Variants in RALGAPA1 observed in about 807,000 individuals in gnomAD.
RALGAPA1 encodes ral GTPase-activating protein subunit alpha-1.
A neutral mutation model predicts 269.6 loss-of-function variants in RALGAPA1; 52 were observed. That is an observed-to-expected ratio of 0.19 (90% CI 0.15 to 0.24). The LOEUF (loss-of-function observed/expected upper bound fraction) is 0.24, where lower values mean the gene tolerates loss of function less well. Ranked by LOEUF, RALGAPA1 falls within the 10% of genes least tolerant of loss-of-function variation. RALGAPA1 has a pLI of 1.00. For synonymous variants in RALGAPA1, 817 were observed against 1,008.3 expected (o/e 0.81, Z 3.60); for missense variants, 1,917 against 3,013.9 (o/e 0.64, Z 8.52).
intron 16 of RALGAPA1, among the ~76,000 whole-genome samples, chr14:35,712,666 C>T (rs2068462385): frequency 6.6e-6 from 1 of 152,088 alleles, no homozygotes; most frequent in African/African-American, 2.4e-5. Context: ...GCCACTGCAC[C>T]CAGCACATTT....
chr14:35,793,171 G>A (rs567331469), intron 1 of RALGAPA1, among the ~76,000 whole-genome samples: 2 of 151,930 alleles, frequency 1.3e-5, no homozygotes, highest in African/African-American at 2.4e-5. Flanking sequence ...TATGACAAGA[G>A]GATGGTGATG....
chr14:35,680,501 C>T (rs1014841235), intron 21 of RALGAPA1, among the ~76,000 whole-genome samples: 6 of 152,182 alleles, frequency 3.9e-5, no homozygotes, highest in African/African-American at 1.4e-4. Context: ...TGAGCCACCA[C>T]ACCAAGCCAA....
At chr14:35,704,787 A>G (rs7142376) in intron 16 of RALGAPA1, among the ~76,000 whole-genome samples, 13 of 152,260 alleles carry the variant, frequency 8.5e-5, no homozygotes, top group African/African-American at 3.1e-4. Flanking sequence ...ACAGTTTAAC[A>G]AGAGAAGAAC....
chr14:35,588,944 G>A (rs1051977908), intron 37 of RALGAPA1, among the ~76,000 whole-genome samples: 3 of 152,114 alleles, frequency 2.0e-5, no homozygotes, highest in African/African-American at 7.2e-5. Flanking sequence ...AGGAAATCCT[G>A]TCATTTATAA....
intron 1 of RALGAPA1, among the ~76,000 whole-genome samples, chr14:35,803,428 C>G (rs2077118107): frequency 6.6e-6 from 1 of 151,832 alleles, no homozygotes; most frequent in South Asian, 2.1e-4. Context: ...ATGGGTTAGG[C>G]AAAGATTTTA....
At chr14:35,691,084 A>G (rs771180471) in intron 17 of RALGAPA1, among the ~76,000 whole-genome samples, 3 of 149,566 alleles carry the variant, frequency 2.0e-5, no homozygotes, top group Non-Finnish European at 4.4e-5. Context: ...AATAATAATA[A>G]TAATAATTAT....
intron 27 of RALGAPA1, among the ~76,000 whole-genome samples, chr14:35,659,950 A>G: frequency 6.6e-6 from 1 of 152,070 alleles, no homozygotes; most frequent in East Asian, 1.9e-4. Context: ...ATAATAAAAT[A>G]TAAAATTTTT....
chr14:35,684,892 A>G, intron 20 of RALGAPA1, 37 bp downstream of exon 20: 1 of 1,581,616 alleles, frequency 6.3e-7, no homozygotes, highest in Non-Finnish European at 8.6e-7. Context: ...AAGACAATCA[A>G]CATAAAACAT....
At chr14:35,724,938 G>A in intron 14 of RALGAPA1, 86 bp downstream of exon 14, 1 of 1,112,336 alleles carries the variant, frequency 9.0e-7, no homozygotes, top group Non-Finnish European at 1.2e-6. Flanking sequence ...AGGGTTCAAT[G>A]AATTTTAAAA....
intron 6 of RALGAPA1, among the ~76,000 whole-genome samples, chr14:35,758,844 TG>T (rs2073431715): frequency 6.6e-6 from 1 of 152,222 alleles, no homozygotes; most frequent in Non-Finnish European, 1.5e-5. Flanking sequence ...CCAGACATAG[TG>T]GCTGACACCT....
Position 35,671,404 on chromosome 14 carries a change from A to C in RALGAPA1, c.5187T>G (p.Ser1729=). The C allele has an allele frequency of 6.2e-7, 1 of 1,609,946 alleles. No individual in the cohort carries two copies. Among genetic ancestry groups the C allele is most frequent in the Non-Finnish European group, 8.5e-7 (1 of 1,178,518 alleles). Residue 1729 remains serine, a synonymous_variant, in exon 26 of 42, where the codon TCT becomes TCG. Coordinates refer to ENST00000680220, the MANE Select transcript of RALGAPA1 (RefSeq NM_001346249.2). ...AATGACTTACATTGAGAAAAGCTGA[A>C]GAAGCCACTCTACCAGCTGCTACAA... ...DFIVAAGRVA[S]SAFLNAPRVE... is the part of the protein sequence containing the mutation.
At chr14:35,721,895 T>G in intron 15 of RALGAPA1, 46 bp from the exon 16 acceptor site, 7 of 1,501,264 alleles carry the variant, frequency 4.7e-6, no homozygotes, top group Non-Finnish European at 6.5e-6. Context: ...ACTTGATCAA[T>G]AATATCTTCA....
chr14:35,745,839 C>A (rs573523449), intron 10 of RALGAPA1, among the ~76,000 whole-genome samples: 4 of 150,434 alleles, frequency 2.7e-5, no homozygotes, highest in Non-Finnish European at 4.4e-5. Flanking sequence ...AATCCCAGCA[C>A]GCTGGGAGGC....
At chr14:35,569,094 T>A (rs1403277818) in intron 39 of RALGAPA1, among the ~76,000 whole-genome samples, 1 of 152,208 alleles carries the variant, frequency 6.6e-6, no homozygotes, top group Non-Finnish European at 1.5e-5. Context: ...ATGATCCACC[T>A]GCAATTCCAT....
In RALGAPA1 at chr14:35,572,613, T is replaced by C. The variant is rs779478358; in HGVS notation, c.7315A>G (p.Ile2439Val). The C allele has an allele frequency of 1.2e-6, 2 of 1,610,174 alleles. No homozygotes were observed. Among genetic ancestry groups the C allele is most frequent in the Non-Finnish European group, 1.7e-6 (2 of 1,178,048 alleles). ...PTEFGDVLIV[I>V]YPMKNHMFSI... Reference sequence around the variant, plus strand: ...AACATGTGATTTTTCATTGGATATATTACAATAAGGACATCACCAAATTCT... The same window carrying C: ...AACATGTGATTTTTCATTGGATATACTACAATAAGGACATCACCAAATTCT... Residue 2439 changes from isoleucine to valine, a missense_variant, in exon 38 of 42, where the codon ATA (isoleucine) becomes GTA (valine). Transcript: ENST00000680220.
At chr14:35,618,952 G>C (rs1206490317) in intron 35 of RALGAPA1, among the ~76,000 whole-genome samples, 4 of 151,774 alleles carry the variant, frequency 2.6e-5, no homozygotes, top group African/African-American at 9.7e-5. Context: ...TTCTACATGA[G>C]AGTTTTATTG....
At position 35,728,396 on chromosome 14, in the gene RALGAPA1, T is replaced by G. The variant is rs2070170511; in HGVS notation, c.1702A>C (p.Met568Leu). Reference sequence around the variant, plus strand: ...TTGTCCATTGATACTTGTACAACCATGTACCGATAAATGTTAAGAATGCGT... The same window carrying G: ...TTGTCCATTGATACTTGTACAACCAGGTACCGATAAATGTTAAGAATGCGT... ...CKRILNIYRY[M>L]VVQVSMDKKT... Residue 568 changes from methionine to leucine, a missense_variant, in exon 13 of 42, where the codon ATG becomes CTG. This residue lies in a region of RALGAPA1 where 462 missense variants were observed against 725.6 expected (regional missense o/e 0.64). Coordinates refer to ENST00000680220, the MANE Select transcript of RALGAPA1 (RefSeq NM_001346249.2). 1 of 1,594,882 alleles carries G rather than the reference T, an allele frequency of 6.3e-7. No individual in the cohort carries two copies. Among genetic ancestry groups the G allele is most frequent in the Admixed American group, 1.8e-5 (1 of 55,680 alleles).
chr14:35,621,331 T>C (rs1211128951), intron 35 of RALGAPA1, among the ~76,000 whole-genome samples: 3 of 152,124 alleles, frequency 2.0e-5, no homozygotes, highest in Non-Finnish European at 4.4e-5. Flanking sequence ...TGAAACTGGA[T>C]CCCTTCCTTA....
At chr14:35,564,568 A>G (rs1460507785) in intron 39 of RALGAPA1, 1 of 152,196 alleles carries the variant, frequency 6.6e-6, no homozygotes, top group Non-Finnish European at 1.5e-5. Flanking sequence ...TCCCTGATCA[A>G]GTTAAATAGA....
Sources: allele counts gnomAD v4.1 joint callset (sites outside exome capture counted in the v4.1 genomes callset), GRCh38; gene constraint gnomAD v4.1.1; regional missense constraint gnomAD v4.1.1; transcripts MANE v1.5; gene names NCBI Gene and HGNC (gene_info 2026-07-23, HGNC 2026-07-21).